The following COL6A6 variants were observed in gnomAD, a reference collection of about 807,000 sequenced individuals.
The protein encoded by COL6A6 is collagen type VI alpha 6 chain.
COL6A6 carries 183 observed loss-of-function variants against 208.6 expected under a neutral mutation model. The ratio of observed to expected loss-of-function variants is 0.88; its 90% CI spans 0.78 to 0.99. The LOEUF is 0.99. COL6A6 is among the 50% of genes least tolerant of loss of function. COL6A6 has a pLI of 0.00. For missense variants in COL6A6, 2,816 were observed against 2,815.2 expected (o/e 1.00, Z -0.01); for synonymous variants, 973 against 1,011.8 (o/e 0.96, Z 0.73).
At chr3:130,627,564 A>C (rs1216724038) in intron 26 of COL6A6, among the ~76,000 whole-genome samples, 195 bp downstream of exon 26, 2 of 152,258 alleles carry the variant, frequency 1.3e-5, no homozygotes, top group African/African-American at 4.8e-5. Context: ...AGGTGCAGGC[A>C]ACAAGTGAAA....
At chr3:130,650,897 ACT>A (rs1045600994) in intron 33 of COL6A6, among the ~76,000 whole-genome samples, 4 of 152,174 alleles carry the variant, frequency 2.6e-5, no homozygotes, top group Non-Finnish European at 5.9e-5. Flanking sequence ...AAGGGTGGTC[ACT>A]CACCTGTGGA....
rs572565861 is a variant in COL6A6 at position 130,603,488 on chromosome 3, T to C, written c.4654-3443T>C. ...GAATTGGGGGAAAAGGCAGGAAGGA[T>C]GGACAAGAAGGAAGAATCTGGGTTA... On this transcript the variant is annotated intron_variant, in intron 20 of 36. Coordinates refer to ENST00000358511, the MANE Select transcript of COL6A6 (RefSeq NM_001102608.3). 5.3e-5 allele frequency among the ~76,000 whole-genome samples: 8 copies of C among 152,128 alleles called. No individual in the cohort carries two copies. The South Asian group carries it at 1.7e-3, about 32-fold the overall frequency.
chr3:130,590,978 G>T (rs1263013256), intron 12 of COL6A6, 63 bp from the exon 13 acceptor site: 1 of 1,267,884 alleles, frequency 7.9e-7, no homozygotes, highest in Non-Finnish European at 1.1e-6. Context: ...ACTGAATTTG[G>T]TTTGGTTACC....
chr3:130,610,099 CT>C (rs2064310848), intron 22 of COL6A6, among the ~76,000 whole-genome samples: 1 of 151,632 alleles, frequency 6.6e-6, no homozygotes, highest in Non-Finnish European at 1.5e-5. Context: ...TAGAAACTTA[CT>C]TTTTTTAATG....
In COL6A6 at chr3:130,581,644, G is replaced by C; in HGVS notation, c.3631G>C (p.Glu1211Gln). Residue 1211 changes from glutamate to glutamine, a missense_variant, in exon 9 of 37, where the codon GAA becomes CAA. Physicochemically the swap from Glu to Gln is conservative, Grantham distance 29. Transcript: ENST00000358511. ...QTLLEGQPWM[E>Q]TYLQDILRAI... ...TTTGCTTGAAGGTCAGCCTTGGATG[G>C]AAACCTACCTTCAAGACATCTTACG... is the stretch of plus-strand genomic sequence containing the variant. 1 of 1,613,998 alleles carries C rather than the reference G, an allele frequency of 6.2e-7. No individual in the cohort carries two copies. Among genetic ancestry groups the C allele is most frequent in the Non-Finnish European group, 8.5e-7 (1 of 1,179,858 alleles).
At chr3:130,620,165 A>G (rs1024435696) in intron 23 of COL6A6, among the ~76,000 whole-genome samples, 1 of 152,022 alleles carries the variant, frequency 6.6e-6, no homozygotes, top group Non-Finnish European at 1.5e-5. Flanking sequence ...GCCTTTTAAT[A>G]TATGGCTCTG....
intron 6 of COL6A6, 48 bp downstream of exon 6, chr3:130,568,652 C>G (rs767181527): frequency 1.5e-5 from 22 of 1,425,210 alleles, no homozygotes; most frequent in Admixed American, 2.2e-5. Context: ...CAACAGATGT[C>G]TTTTTTAGCC....
At chr3:130,598,474 G>A (rs368464036) in intron 19 of COL6A6, 44 bp downstream of exon 19, 11 of 1,300,004 alleles carry the variant, frequency 8.5e-6, no homozygotes, top group Admixed American at 4.1e-5. Flanking sequence ...CAACTGTGGG[G>A]CTTAAGTTCT....
intron 20 of COL6A6, among the ~76,000 whole-genome samples, chr3:130,605,861 G>C (rs946897832): frequency 6.6e-6 from 1 of 152,206 alleles, no homozygotes; most frequent in Non-Finnish European, 1.5e-5. Context: ...GACAGAATGA[G>C]AGCCAAGTGA....
At chr3:130,555,449 A>G (rs866218850) in intron 1 of COL6A6, among the ~76,000 whole-genome samples, 1 of 151,892 alleles carries the variant, frequency 6.6e-6, no homozygotes, top group South Asian at 2.1e-4. Context: ...CAGTCTCCCC[A>G]GTGTCCCAGT....
Position 130,589,135 on chromosome 3 carries a change from A to C in COL6A6, c.4171A>C (p.Ile1391Leu). 1 of 1,613,918 alleles carries C rather than the reference A, an allele frequency of 6.2e-7. No homozygotes were observed. The highest frequency in any genetic ancestry group is 1.1e-5 in the South Asian group (1 of 91,078). ...RTCCCLFCKCIGGDGTMGDPG... is the reference protein window; with the variant it reads ...RTCCCLFCKCLGGDGTMGDPG... The stretch of plus-strand genomic sequence containing the variant: ...ATGCTGCTGTTTGTTCTGCAAGTGC[A>C]TTGGAGGAGATGGCACAATGGGAGA... Residue 1391 changes from isoleucine (I) to leucine (L), a missense_variant, in exon 12 of 37, where the codon ATT (isoleucine) becomes CTT (leucine). Transcript: ENST00000358511.
chr3:130,618,592 A>C (rs2064607815), intron 23 of COL6A6, among the ~76,000 whole-genome samples: 1 of 151,370 alleles, frequency 6.6e-6, no homozygotes, highest in Non-Finnish European at 1.5e-5. Flanking sequence ...AGAAACCACC[A>C]GTGTGATTCC....
intron 1 of COL6A6, among the ~76,000 whole-genome samples, chr3:130,527,720 C>A (rs2061989495): frequency 6.6e-6 from 1 of 152,182 alleles, no homozygotes; most frequent in Non-Finnish European, 1.5e-5. Flanking sequence ...CAAAGCACTT[C>A]ATAGTTTCAG....
chr3:130,596,884 G>A (rs1350289142), intron 18 of COL6A6, among the ~76,000 whole-genome samples: 1 of 152,140 alleles, frequency 6.6e-6, no homozygotes, highest in African/African-American at 2.4e-5. Context: ...GCTATAGTAA[G>A]GTTCATTTTG....
intron 33 of COL6A6, among the ~76,000 whole-genome samples, chr3:130,650,305 C>T (rs2065598721): frequency 6.6e-6 from 1 of 152,070 alleles, no homozygotes; most frequent in Non-Finnish European, 1.5e-5. Context: ...CAGGGAGCAG[C>T]AAAGAGGCAT....
At chr3:130,649,016 CT>C (rs72391450) in intron 32 of COL6A6, 52 bp from the exon 33 acceptor site, 155,187 of 978,892 alleles carry the variant, frequency 0.16, 5 homozygotes, top group Non-Finnish European at 0.17. Flanking sequence ...TTCTATGTAT[CT>C]TTTTTTTTTT....
chr3:130,571,193 C>G lies in COL6A6; in HGVS notation c.2777C>G (p.Ala926Gly), dbSNP rs1421442863. Residue 926 changes from alanine (A) to glycine (G), a missense_variant, in exon 7 of 37, where the codon GCT becomes GGT. Ala to Gly is a moderately conservative substitution (Grantham distance 60, BLOSUM62 0). Coordinates refer to ENST00000358511, the MANE Select transcript of COL6A6 (RefSeq NM_001102608.3). ...ATCACCGATGGGGAATCCCATGATGCTGATAAACTCAATGCCACGGCAAAG... is the reference window on the plus strand; with the variant it reads ...ATCACCGATGGGGAATCCCATGATGGTGATAAACTCAATGCCACGGCAAAG... ...IVITDGESHD[A>G]DKLNATAKAL... 6.2e-7 allele frequency: 1 copy of G among 1,613,342 alleles called. No homozygotes were observed.
At chr3:130,531,658 T>A (rs114281720) in intron 1 of COL6A6, among the ~76,000 whole-genome samples, 1,628 of 152,316 alleles carry the variant, frequency 0.011, 35 homozygotes, top group African/African-American at 0.037. Flanking sequence ...GTGCTTCTTA[T>A]AGTCTCATAG....
At chr3:130,593,018 A>G in intron 15 of COL6A6, 43 bp from the exon 16 acceptor site, 2 of 1,557,270 alleles carry the variant, frequency 1.3e-6, no homozygotes, top group East Asian at 2.2e-5. Context: ...TTCTTTACAC[A>G]TGCACGTGAT....
Sources: allele counts gnomAD v4.1 joint callset (sites outside exome capture counted in the v4.1 genomes callset), GRCh38; gene constraint gnomAD v4.1.1; transcripts MANE v1.5; gene names NCBI Gene and HGNC (gene_info 2026-07-23, HGNC 2026-07-21).